HCRTR2: variants seen among roughly 807,000 people sequenced by gnomAD.
HCRTR2 encodes hypocretin receptor 2.
In HCRTR2, 22 loss-of-function variants were observed where a neutral mutation model predicts 49.0. That is an observed-to-expected ratio of 0.45 (90% CI 0.32 to 0.64). The LOEUF is 0.64. Among genes scored for constraint, HCRTR2 ranks in the 30% least tolerant of loss-of-function variants. HCRTR2 has a pLI of 0.04. For missense variants in HCRTR2, 491 were observed against 559.4 expected, an observed-to-expected ratio of 0.88 and a Z score of 1.23; for synonymous variants, 236 against 205.3, an observed-to-expected ratio of 1.15 and a Z score of -1.28.
intron 1 of HCRTR2, among the ~76,000 whole-genome samples, chr6:55,221,003 G>A (rs551098627): frequency 6.6e-6 from 1 of 152,102 alleles, no homozygotes; most frequent in Admixed American, 6.5e-5. Context: ...GGAGGCTAAC[G>A]ACTTATACAC....
intron 1 of HCRTR2, among the ~76,000 whole-genome samples, chr6:55,134,041 T>A (rs1263101255): frequency 6.6e-6 from 1 of 151,848 alleles, no homozygotes; most frequent in East Asian, 1.9e-4. Context: ...ACATATACAT[T>A]TCTTATTTCT....
chr6:55,212,943 G>T (rs1342893058), intron 1 of HCRTR2, among the ~76,000 whole-genome samples: 1 of 152,120 alleles, frequency 6.6e-6, no homozygotes, highest in Non-Finnish European at 1.5e-5. Flanking sequence ...ATTCTCATGT[G>T]TCCATTGGGG....
At chr6:55,124,960 G>T (rs1447499887) in intron 1 of HCRTR2, among the ~76,000 whole-genome samples, 5 of 147,368 alleles carry the variant, frequency 3.4e-5, no homozygotes, top group Admixed American at 6.8e-5. Flanking sequence ...CTTTCCATGT[G>T]CTTGGTAAAT....
At chr6:55,149,694 T>C (rs1392576111) in intron 1 of HCRTR2, among the ~76,000 whole-genome samples, 1 of 152,088 alleles carries the variant, frequency 6.6e-6, no homozygotes, top group Non-Finnish European at 1.5e-5. Context: ...TTTAAAAATA[T>C]TTTAATGATA....
chr6:55,241,332 A>G (rs1474565240), intron 1 of HCRTR2, among the ~76,000 whole-genome samples: 1 of 152,134 alleles, frequency 6.6e-6, no homozygotes, highest in Non-Finnish European at 1.5e-5. Flanking sequence ...CTACATTATA[A>G]AAAGTATTAC....
intron 1 of HCRTR2, among the ~76,000 whole-genome samples, chr6:55,208,327 TA>T (rs796836135): frequency 0.019 from 2,531 of 132,000 alleles, 53 homozygotes; most frequent in African/African-American, 0.042. Context: ...AATAAAAAAA[TA>T]AAAAAAAAAA....
At chr6:55,210,968 T>C (rs929194139) in intron 1 of HCRTR2, among the ~76,000 whole-genome samples, 34 of 152,174 alleles carry the variant, frequency 2.2e-4, no homozygotes, top group Admixed American at 1.6e-3. Context: ...CATAAGATTA[T>C]AATACCATGC....
intron 1 of HCRTR2, among the ~76,000 whole-genome samples, chr6:55,146,444 T>C (rs1387604659): frequency 1.3e-5 from 2 of 152,124 alleles, no homozygotes. Context: ...CATTTCAAGG[T>C]CAAAAATGCT....
intron 1 of HCRTR2, among the ~76,000 whole-genome samples, chr6:55,209,168 C>A (rs1289209959): frequency 1.3e-5 from 2 of 152,082 alleles, no homozygotes; most frequent in Admixed American, 1.3e-4. Flanking sequence ...ATATTATTGG[C>A]ATGCTTCAGG....
At chr6:55,176,137 A>G (rs555741994) in intron 1 of HCRTR2, among the ~76,000 whole-genome samples, 1 of 152,276 alleles carries the variant, frequency 6.6e-6, no homozygotes, top group South Asian at 2.1e-4. Context: ...AATCATCCCG[A>G]GTAGTCTCTC....
intron 1 of HCRTR2, among the ~76,000 whole-genome samples, chr6:55,226,785 C>T (rs993788239): frequency 2.4e-4 from 29 of 120,976 alleles, no homozygotes; most frequent in African/African-American, 9.0e-4. Flanking sequence ...GTGGTGAGAT[C>T]TCGGCTCACT....
chr6:55,117,452 A>C (rs1252157562), intron 1 of HCRTR2, among the ~76,000 whole-genome samples: 1 of 151,728 alleles, frequency 6.6e-6, no homozygotes, highest in African/African-American at 2.4e-5. Flanking sequence ...ATCGTTGTAC[A>C]TATTCATGGG....
chr6:55,189,630 G>A (rs766086184), intron 1 of HCRTR2, among the ~76,000 whole-genome samples: 3 of 152,080 alleles, frequency 2.0e-5, no homozygotes, highest in South Asian at 2.1e-4. Context: ...CACACACTGG[G>A]GCCTGTTGTC....
At chr6:55,262,880 C>T (rs765834501) in intron 3 of HCRTR2, among the ~76,000 whole-genome samples, 3 of 150,034 alleles carry the variant, frequency 2.0e-5, no homozygotes, top group East Asian at 1.9e-4. Context: ...TCGACTTATT[C>T]GTAAGTGTCT....
chr6:55,269,137 C>A (rs1339744965), intron 4 of HCRTR2, among the ~76,000 whole-genome samples: 3 of 139,750 alleles, frequency 2.1e-5, no homozygotes, highest in Admixed American at 7.1e-5. Context: ...AGAATAGCAA[C>A]AAGGAAATAA....
chr6:55,249,737 T>C (rs948985912), intron 2 of HCRTR2, among the ~76,000 whole-genome samples: 16 of 152,074 alleles, frequency 1.1e-4, no homozygotes, highest in Non-Finnish European at 1.8e-4. Flanking sequence ...TTATTATAGC[T>C]CTAAAATTTT....
intron 4 of HCRTR2, among the ~76,000 whole-genome samples, chr6:55,275,608 ATT>A (rs3065694): frequency 9.8e-5 from 13 of 133,062 alleles, no homozygotes; most frequent in South Asian, 2.4e-4. Flanking sequence ...TGAAAACTGT[ATT>A]TTTTTTTTTT....
intron 1 of HCRTR2, among the ~76,000 whole-genome samples, chr6:55,182,426 G>A (rs1765148943): frequency 6.6e-6 from 1 of 152,202 alleles, no homozygotes; most frequent in African/African-American, 2.4e-5. Context: ...TTCTTCTGGA[G>A]GAAGTAAGCT....
chr6:55,143,678 G>A (rs1255157834), intron 1 of HCRTR2, among the ~76,000 whole-genome samples: 1 of 152,064 alleles, frequency 6.6e-6, no homozygotes, highest in Non-Finnish European at 1.5e-5. Flanking sequence ...TTGACTTTTA[G>A]CATCTCATTT....
Sources: gnomAD v4.1 joint callset for allele counts (sites outside exome capture counted in the v4.1 genomes callset) on GRCh38, gnomAD v4.1.1 for gene constraint, MANE v1.5 for transcripts, NCBI Gene and HGNC (gene_info 2026-07-23, HGNC 2026-07-21) for gene names.